CERS5: variants seen among roughly 807,000 people sequenced by gnomAD.
CERS5 encodes LAG1 homolog, ceramide synthase 5.
CERS5 carries 37 observed loss-of-function variants against 58.9 expected under a neutral mutation model. The ratio of observed to expected loss-of-function variants is 0.63; its 90% confidence interval spans 0.48 to 0.83. The LOEUF (loss-of-function observed/expected upper bound fraction) is 0.83, where lower values mean the gene tolerates loss of function less well. CERS5 is among the 40% of genes least tolerant of loss of function. CERS5 has a pLI of 0.00. For synonymous variants in CERS5, 147 were observed against 177.8 expected (o/e 0.83, Z 1.38); for missense variants, 398 against 489.3 (o/e 0.81, Z 1.76).
chr12:50,149,861 T>G (rs1247347102), intron 1 of CERS5, among the ~76,000 whole-genome samples: 2 of 152,120 alleles, frequency 1.3e-5, no homozygotes. Flanking sequence ...TGCCTCAGCC[T>G]CCCAAGTAGT....
At chr12:50,158,488 T>C (rs1938911283) in intron 1 of CERS5, among the ~76,000 whole-genome samples, 1 of 152,214 alleles carries the variant, frequency 6.6e-6, no homozygotes, top group Non-Finnish European at 1.5e-5. Flanking sequence ...AATAAATAGA[T>C]GTTGAAGAAT....
intron 6 of CERS5, 43 bp from the exon 7 acceptor site, chr12:50,136,112 C>A: frequency 6.9e-7 from 1 of 1,454,584 alleles, no homozygotes. Flanking sequence ...AAAGCTGGGC[C>A]CTAGAAACAC....
At position 50,152,516 on chromosome 12, in the gene CERS5, C is replaced by T. The variant is rs557355426; in HGVS notation, c.198-8459G>A. Among the ~76,000 whole-genome samples, 2 of 152,152 alleles carry T rather than the reference C, an allele frequency of 1.3e-5. 1 individual carries two copies. The highest frequency in any genetic ancestry group is 4.8e-5 in the African/African-American group (2 of 41,516). ...CAGCACTTTAGGAGGCTGAGGCAAG[C>T]GGATCACTTGAGGTCAGGAGTTCGA... On this transcript the variant is annotated intron_variant, in intron 1 of 9. Transcript: ENST00000317551.
intron 1 of CERS5, 147 bp from the exon 2 acceptor site, chr12:50,144,204 A>G: frequency 1.8e-6 from 1 of 567,568 alleles, no homozygotes; most frequent in East Asian, 2.9e-5. Flanking sequence ...GGTAATTACC[A>G]TATCCATCAC....
intron 1 of CERS5, chr12:50,153,763 T>C: frequency 3.5e-6 from 1 of 285,200 alleles, no homozygotes; most frequent in East Asian, 1.6e-4. Flanking sequence ...GAGACCAGCC[T>C]GGCCAATATG....
chr12:50,130,768 TG>T, intron 9 of CERS5, 74 bp from the exon 10 acceptor site: 1 of 1,393,208 alleles, frequency 7.2e-7, no homozygotes, highest in Admixed American at 2.1e-5. Flanking sequence ...GACCCAGGTG[TG>T]GGCACTGTGT....
chr12:50,153,269 A>ATTTTTTTTTTTTTTTTTTTTT (rs202197775), intron 1 of CERS5, among the ~76,000 whole-genome samples: 1 of 93,438 alleles, frequency 1.1e-5, no homozygotes, highest in Non-Finnish European at 2.1e-5. Context: ...AACTAATATG[A>ATTTTTTTTTTTTTTTTTTTTT]TTTTTTTTTT....
intron 9 of CERS5, among the ~76,000 whole-genome samples, chr12:50,131,578 GA>G (rs367907673): frequency 0.39 from 49,037 of 124,390 alleles, 9,347 homozygotes; most frequent in African/African-American, 0.49. Flanking sequence ...AAAAAAAAAA[GA>G]AAAAAAAAAA....
chr12:50,150,270 A>C (rs552764854), intron 1 of CERS5, among the ~76,000 whole-genome samples: 1 of 152,190 alleles, frequency 6.6e-6, no homozygotes, highest in Non-Finnish European at 1.5e-5. Context: ...CTGAGGCAGG[A>C]GGACTGCTTG....
rs369955002 is a variant in CERS5 at position 50,134,706 on chromosome 12, G to T, written c.873-4C>A. 1.9e-6 allele frequency: 3 copies of T among 1,611,142 alleles called. No individual in the cohort carries two copies. In the African/African-American group the frequency reaches 4.0e-5, roughly 22 times the overall value. On this transcript the variant is annotated splice_polypyrimidine_tract_variant and splice_region_variant and intron_variant, in intron 8 of 9. Coordinates refer to ENST00000317551, the MANE Select transcript of CERS5 (RefSeq NM_147190.5). ...AAAGAGGGTCGTGTTCAGAATCCTA[G>T]AAGAGGGAGGCCAATAGTCAGATTC...
chr12:50,130,950 C>T (rs770665139), intron 9 of CERS5, among the ~76,000 whole-genome samples: 4 of 152,180 alleles, frequency 2.6e-5, no homozygotes, highest in Non-Finnish European at 5.9e-5. Context: ...TCTTTCAGGA[C>T]CAGCCTAAGA....
intron 1 of CERS5, among the ~76,000 whole-genome samples, chr12:50,161,717 C>T (rs932306489): frequency 1.5e-5 from 2 of 130,818 alleles, no homozygotes; most frequent in African/African-American, 2.9e-5. Flanking sequence ...GCAGAGGCTG[C>T]AATGAGCTGA....
intron 9 of CERS5, among the ~76,000 whole-genome samples, chr12:50,132,674 GACTA>G (rs1279834998): frequency 2.6e-5 from 4 of 151,822 alleles, no homozygotes; most frequent in South Asian, 2.1e-4. Context: ...GAACTTAGAT[GACTA>G]ACTGATTACC....
intron 1 of CERS5, among the ~76,000 whole-genome samples, chr12:50,155,692 G>C (rs1366984847): frequency 3.2e-5 from 4 of 125,450 alleles, no homozygotes; most frequent in Non-Finnish European, 6.3e-5. Flanking sequence ...AGCCGAGATT[G>C]CGCCACTGCA....
chr12:50,138,356 A>G (rs550867612), intron 5 of CERS5, among the ~76,000 whole-genome samples: 4 of 151,632 alleles, frequency 2.6e-5, no homozygotes, highest in South Asian at 2.1e-4. Context: ...TTTCATTGCT[A>G]TGGGGGCCTC....
chr12:50,134,781 G>C, intron 8 of CERS5, 79 bp from the exon 9 acceptor site: 1 of 1,349,234 alleles, frequency 7.4e-7, no homozygotes, highest in Non-Finnish European at 1.0e-6. Flanking sequence ...TGGGGATGCA[G>C]AGCCCTGTGT....
intron 1 of CERS5, among the ~76,000 whole-genome samples, chr12:50,149,127 GATC>G (rs1327897936): frequency 6.6e-6 from 1 of 151,654 alleles, no homozygotes; most frequent in Non-Finnish European, 1.5e-5. Flanking sequence ...GGAGTCCTGA[GATC>G]ATAGTTTGAA....
At chr12:50,151,975 G>A (rs142915795) in intron 1 of CERS5, among the ~76,000 whole-genome samples, 372 of 152,256 alleles carry the variant, frequency 2.4e-3, no homozygotes, top group Middle Eastern at 0.014. Flanking sequence ...ATCAAATAAC[G>A]TATGGCTGTC....
At position 50,167,276 on chromosome 12, in the gene CERS5, G is replaced by T; in HGVS notation, c.22C>A (p.Pro8Thr). Residue 8 changes from proline to threonine, a missense_variant, in exon 1 of 10, where the codon CCC becomes ACC. By Grantham distance (38) the Pro-to-Thr change is conservative. Coordinates refer to ENST00000317551, the MANE Select transcript of CERS5 (RefSeq NM_147190.5). MATAAQG[P>T]LSLLWGWLWS... ...AGCCAGCCCCACAGCAAGCTTAGGG[G>T]TCCCTGCGCTGCTGTCGCCATCTTA... The T allele has an allele frequency of 6.4e-7, 1 of 1,560,456 alleles. No homozygotes were observed. Among genetic ancestry groups the T allele is most frequent in the Non-Finnish European group, 8.6e-7 (1 of 1,161,248 alleles).
Sources: gnomAD v4.1 joint callset for allele counts (sites outside exome capture counted in the v4.1 genomes callset) on GRCh38, gnomAD v4.1.1 for gene constraint, MANE v1.5 for transcripts, NCBI Gene and HGNC (gene_info 2026-07-23, HGNC 2026-07-21) for gene names.